NUB1: variants seen among roughly 807,000 people sequenced by gnomAD.
NUB1 encodes the protein NEDD8 ultimate buster 1.
Under a neutral mutation model 77.1 loss-of-function variants are expected in NUB1, and 41 were observed. The ratio of observed to expected loss-of-function variants is 0.53; its 90% CI spans 0.41 to 0.69. NUB1 has a LOEUF of 0.69. Ranked by LOEUF, NUB1 falls within the 30% of genes least tolerant of loss-of-function variation. The probability of loss-of-function intolerance (pLI) is 0.00; values close to 1 mark genes in which losing one functional copy is unlikely to be tolerated. For missense variants in NUB1, 643 were observed against 743.8 expected, an observed-to-expected ratio of 0.86 and a Z score of 1.58; for synonymous variants, 257 against 281.0, an observed-to-expected ratio of 0.91 and a Z score of 0.85.
chr7:151,370,601 G>C (rs1458036981), intron 11 of NUB1, among the ~76,000 whole-genome samples: 2 of 151,286 alleles, frequency 1.3e-5, no homozygotes, highest in African/African-American at 4.9e-5. Flanking sequence ...GTGCAGGTTA[G>C]TTACATATGT....
At chr7:151,376,561 C>T in intron 13 of NUB1, 73 bp from the exon 14 acceptor site, 1 of 1,398,630 alleles carries the variant, frequency 7.1e-7, no homozygotes, top group East Asian at 2.5e-5. Flanking sequence ...GTCGGCTGTC[C>T]ACTCGTATGG....
chr7:151,352,158 C>T (rs1240591104), intron 4 of NUB1: 2 of 456,464 alleles, frequency 4.4e-6, no homozygotes, highest in African/African-American at 2.0e-5. Context: ...TGTGGATCAG[C>T]CCCCGCTATG....
chr7:151,364,992 AT>A (rs1451002692), intron 8 of NUB1, among the ~76,000 whole-genome samples: 2,600 of 146,052 alleles, frequency 0.018, 65 homozygotes, highest in African/African-American at 0.057. Context: ...TATTTTTATA[AT>A]TTTTTTTTTT....
rs1798322399 is a variant in NUB1 at position 151,376,985 on chromosome 7, C to T, written c.1670-62C>T. ...GGCACAGTCTGAGGTTGACTGTGGTCGTGCAGTGTCCCCAGGACAATCCTC... is the reference window on the plus strand; with the variant it reads ...GGCACAGTCTGAGGTTGACTGTGGTTGTGCAGTGTCCCCAGGACAATCCTC... On this transcript the variant is annotated intron_variant, in intron 14 of 14. Transcript: ENST00000568733. 10 of 1,443,846 alleles carry T rather than the reference C, an allele frequency of 6.9e-6. No individual in the cohort carries two copies. In the East Asian group the frequency reaches 7.5e-5, roughly 11 times the overall value. 89.4% of individuals were successfully genotyped at this position (1,443,846 alleles called of 1,614,324 possible).
At chr7:151,367,255 T>C in intron 9 of NUB1, 130 bp downstream of exon 9, 1 of 678,066 alleles carries the variant, frequency 1.5e-6, no homozygotes, top group South Asian at 2.0e-5. Flanking sequence ...TATAGTCTTT[T>C]TAAACTATAT....
At chr7:151,371,155 A>G (rs1299208554) in intron 11 of NUB1, among the ~76,000 whole-genome samples, 2 of 152,230 alleles carry the variant, frequency 1.3e-5, no homozygotes, top group Admixed American at 6.5e-5. Context: ...TCCACCCAAC[A>G]GATGTTGTTA....
At chr7:151,344,873 GC>G (rs1205169210) in intron 1 of NUB1, among the ~76,000 whole-genome samples, 3 of 152,074 alleles carry the variant, frequency 2.0e-5, no homozygotes, top group Non-Finnish European at 4.4e-5. Context: ...GGTGGCGCAT[GC>G]CTGTAATCCC....
intron 1 of NUB1, among the ~76,000 whole-genome samples, chr7:151,342,545 T>C (rs1422095293): frequency 1.3e-5 from 2 of 152,214 alleles, no homozygotes; most frequent in African/African-American, 2.4e-5. Context: ...TTAGTTACAA[T>C]GTGAAACATT....
At chr7:151,347,437 G>A (rs943800857) in intron 2 of NUB1, among the ~76,000 whole-genome samples, 1 of 151,834 alleles carries the variant, frequency 6.6e-6, no homozygotes, top group Non-Finnish European at 1.5e-5. Context: ...AGTATATATA[G>A]GTTTATGTTA....
intron 8 of NUB1, among the ~76,000 whole-genome samples, chr7:151,364,992 A>ATTTT (rs1451002692): frequency 2.1e-5 from 3 of 146,060 alleles, no homozygotes; most frequent in African/African-American, 2.5e-5. Flanking sequence ...TATTTTTATA[A>ATTTT]TTTTTTTTTT....
chr7:151,344,863 G>A (rs1323148073), intron 1 of NUB1, among the ~76,000 whole-genome samples: 3 of 152,044 alleles, frequency 2.0e-5, no homozygotes, highest in East Asian at 1.9e-4. Context: ...AGCCGGGCGT[G>A]GTGGCGCATG....
At chr7:151,357,649 G>C (rs191871152) in intron 7 of NUB1, among the ~76,000 whole-genome samples, 1 of 144,292 alleles carries the variant, frequency 6.9e-6, no homozygotes, top group Non-Finnish European at 1.5e-5. Flanking sequence ...TTACTCTGTT[G>C]CCCAGGCTGG....
At chr7:151,344,995 G>C (rs183753569) in intron 1 of NUB1, among the ~76,000 whole-genome samples, 1 of 151,806 alleles carries the variant, frequency 6.6e-6, no homozygotes, top group East Asian at 1.9e-4. Flanking sequence ...GCGAGACTCC[G>C]TCTCAAAAAA....
chr7:151,345,120 T>G (rs1264796358), intron 1 of NUB1, among the ~76,000 whole-genome samples: 1 of 152,146 alleles, frequency 6.6e-6, no homozygotes, highest in East Asian at 1.9e-4. Context: ...TTGCTACATA[T>G]TAGCAACTTT....
intron 11 of NUB1, among the ~76,000 whole-genome samples, chr7:151,372,133 C>T (rs1252301083): frequency 1.3e-5 from 2 of 152,214 alleles, no homozygotes; most frequent in Non-Finnish European, 2.9e-5. Flanking sequence ...TCGGCATGGC[C>T]AGGCCGTGAG....
chr7:151,366,996 T>C lies in NUB1; in HGVS notation c.858T>C (p.Asp286=), dbSNP rs1338430365. 1 of 1,613,694 alleles carries C rather than the reference T, an allele frequency of 6.2e-7. No homozygotes were observed. The highest frequency in any genetic ancestry group is 1.1e-5 in the South Asian group (1 of 91,036). The change falls in exon 9 of 15, where the codon GAT becomes GAC. Residue 286 remains aspartate (D), a synonymous_variant. Coordinates refer to ENST00000568733, the MANE Select transcript of NUB1 (RefSeq NM_001243351.2). ...TVDNYAVLQL[D]IVWCYFRLEQ... Reference sequence around the variant, plus strand: ...ATAACTACGCCGTCCTCCAGCTGGATATAGTGTGGTGTTACTTCCGCCTGG... The same window carrying C: ...ATAACTACGCCGTCCTCCAGCTGGACATAGTGTGGTGTTACTTCCGCCTGG...
intron 8 of NUB1, among the ~76,000 whole-genome samples, chr7:151,363,506 C>T (rs1427029795): frequency 2.0e-5 from 3 of 150,286 alleles, no homozygotes; most frequent in Non-Finnish European, 3.0e-5. Flanking sequence ...CAATTTCAGG[C>T]GGCCTAAAAT....
intron 1 of NUB1, among the ~76,000 whole-genome samples, chr7:151,343,079 G>A (rs1203746867): frequency 6.6e-6 from 1 of 152,182 alleles, no homozygotes; most frequent in Non-Finnish European, 1.5e-5. Flanking sequence ...GGGTTGCTGT[G>A]ATATTTTATT....
intron 1 of NUB1, chr7:151,342,063 T>C (rs1796236955): frequency 2.6e-6 from 2 of 781,512 alleles, no homozygotes; most frequent in Non-Finnish European, 3.5e-6. Context: ...GCCCTTTGGT[T>C]TGCCCTGAGT....
Sources: allele counts gnomAD v4.1 joint callset (sites outside exome capture counted in the v4.1 genomes callset), GRCh38; gene constraint gnomAD v4.1.1; transcripts MANE v1.5; gene names NCBI Gene and HGNC (gene_info 2026-07-23, HGNC 2026-07-21).